Variants in KMT2C observed in about 807,000 individuals in gnomAD.
KMT2C encodes lysine methyltransferase 2C.
KMT2C carries 88 observed loss-of-function variants against 507.9 expected under a neutral mutation model. The observed-to-expected ratio is 0.17, with a 90% CI of 0.15 to 0.21. The LOEUF is 0.21. Among genes scored for constraint, KMT2C ranks in the 10% least tolerant of loss-of-function variants. The pLI is 1.00. For synonymous variants in KMT2C, 2,049 were observed against 2,080.8 expected (o/e 0.98, Z 0.42); for missense variants, 4,954 against 5,957.8 (o/e 0.83, Z 5.55).
intron 14 of KMT2C, among the ~76,000 whole-genome samples, chr7:152,241,262 C>T (rs1287421204): frequency 6.7e-6 from 1 of 150,256 alleles, no homozygotes; most frequent in Admixed American, 6.6e-5. Flanking sequence ...TGCGGTGGTG[C>T]GATCTCGGCT....
Position 152,202,991 on chromosome 7 carries a change from CTTT to C in KMT2C, c.4032_4034del (p.Ile1344_Lys1345delinsMet). 3 of 1,610,222 alleles carry C rather than the reference CTTT, an allele frequency of 1.9e-6. No individual in the cohort carries two copies. The highest frequency in any genetic ancestry group is 2.5e-6 in the Non-Finnish European group (3 of 1,177,356). ...TATTTTTCCTTTTTCGGTATCTCTT[CTTT>C]ATTTTTTCAGTGCTTTCAGTAACAG... On this transcript the variant is annotated inframe_deletion, in exon 26 of 59. Coordinates refer to ENST00000262189, the MANE Select transcript of KMT2C (RefSeq NM_170606.3).
chr7:152,341,611 C>T (rs990496420), intron 2 of KMT2C, among the ~76,000 whole-genome samples: 2 of 152,092 alleles, frequency 1.3e-5, no homozygotes, highest in Non-Finnish European at 2.9e-5. Context: ...AGGGAGAGTG[C>T]CAGAACTATT....
chr7:152,333,237 T>G (rs1250221816), intron 2 of KMT2C, among the ~76,000 whole-genome samples: 2 of 152,002 alleles, frequency 1.3e-5, no homozygotes, highest in Non-Finnish European at 2.9e-5. Context: ...GGCTCAAGAA[T>G]CCTCCCACCT....
At chr7:152,355,690 G>C (rs1187323234) in intron 2 of KMT2C, among the ~76,000 whole-genome samples, 1 of 152,150 alleles carries the variant, frequency 6.6e-6, no homozygotes, top group Non-Finnish European at 1.5e-5. Context: ...AAGACTAAAA[G>C]CTGGTCTGGG....
intron 27 of KMT2C, among the ~76,000 whole-genome samples, chr7:152,198,731 G>T (rs1415953857): frequency 6.6e-6 from 1 of 152,140 alleles, no homozygotes; most frequent in Non-Finnish European, 1.5e-5. Context: ...AATATCTGGA[G>T]ATATTTTTGA....
chr7:152,311,317 ATCAG>A (rs1379791180), intron 5 of KMT2C, among the ~76,000 whole-genome samples: 4 of 152,288 alleles, frequency 2.6e-5, no homozygotes, highest in Admixed American at 2.6e-4. Context: ...TTGAACCACT[ATCAG>A]TCAATCTGCA....
rs188764691 is a variant in KMT2C at position 152,269,477 on chromosome 7, G to A, written c.1012+4228C>T. 2.0e-5 allele frequency among the ~76,000 whole-genome samples: 3 copies of A among 152,272 alleles called. No individual in the cohort carries two copies. The East Asian group carries it at 5.8e-4, about 29-fold the overall frequency. On this transcript the variant is annotated intron_variant, in intron 7 of 58. Coordinates refer to ENST00000262189, the MANE Select transcript of KMT2C (RefSeq NM_170606.3). Reference sequence around the variant, plus strand: ...ACTGGATAGCTTTGGTGTCATGACAGAAATTAAATATGAATATTTAGACAC... The same window carrying A: ...ACTGGATAGCTTTGGTGTCATGACAAAAATTAAATATGAATATTTAGACAC...
chr7:152,174,764 G>T (rs1366138124), intron 38 of KMT2C, among the ~76,000 whole-genome samples: 1 of 152,136 alleles, frequency 6.6e-6, no homozygotes, highest in Admixed American at 6.5e-5. Flanking sequence ...TTATTATTTA[G>T]AATAAGGCAC....
chr7:152,310,072 G>C lies in KMT2C; in HGVS notation c.743C>G (p.Thr248Ser), dbSNP rs1187870344. The change falls in exon 6 of 59, where the codon ACT becomes AGT. Residue 248 changes from threonine (T) to serine (S), a missense_variant. By Grantham distance (58) the Thr-to-Ser change is moderately conservative. Transcript: ENST00000262189. ...CACACAACGGTGATGAGCCCAACAA[G>C]TGCCTAAAATGGGAAAAATGAAAAG... ...DIQALFDSTGTCWAHHRCVEW... is the reference protein window; with the variant it reads ...DIQALFDSTGSCWAHHRCVEW... The C allele has an allele frequency of 1.2e-6, 2 of 1,603,712 alleles. No individual in the cohort carries two copies. Among genetic ancestry groups the C allele is most frequent in the Non-Finnish European group, 1.7e-6 (2 of 1,174,710 alleles).
intron 14 of KMT2C, among the ~76,000 whole-genome samples, chr7:152,246,653 A>G (rs1191115418): frequency 6.6e-6 from 1 of 152,284 alleles, no homozygotes; most frequent in East Asian, 1.9e-4. Flanking sequence ...TTTCAGAGTC[A>G]GAACAACATA....
rs368585859 is a variant in KMT2C, at chr7:152,162,561, T to C, written c.11016A>G (p.Ala3672=). 16 of 1,614,128 alleles carry C rather than the reference T, an allele frequency of 9.9e-6. No homozygotes were observed. In the South Asian group the frequency reaches 1.4e-4, roughly 14 times the overall value. The change falls in exon 43 of 59, where the codon GCA becomes GCG. Residue 3672 remains alanine (A), a synonymous_variant. Transcript: ENST00000262189. Reference sequence around the variant, plus strand: ...CTAATTCTGTACATAGCTGGCCTGCTGCCATATTGGGAGTGGATGGGCCGA... The same window carrying C: ...CTAATTCTGTACATAGCTGGCCTGCCGCCATATTGGGAGTGGATGGGCCGA... ...EPVGPSTPNM[A]AGQLCTELEN... is the part of the protein sequence containing the mutation.
In KMT2C at chr7:152,163,060, T is replaced by A; in HGVS notation, c.10517A>T (p.Glu3506Val). Reference sequence around the variant, plus strand: ...TGAAGGAGGGCCTACCTGCCTTCGCTCATTAGTCTGCATGAAAGTTTGGGT... The same window carrying A: ...TGAAGGAGGGCCTACCTGCCTTCGCACATTAGTCTGCATGAAAGTTTGGGT... Reference protein sequence around the residue: ...PSTQTFMQTNERRQVGPPSFV... With the variant: ...PSTQTFMQTNVRRQVGPPSFV... The change falls in exon 43 of 59, where the codon GAG (glutamate) becomes GTG (valine). Residue 3506 changes from glutamate (E) to valine (V), a missense_variant. Physicochemically the swap from Glu to Val is moderately radical, Grantham distance 121 (BLOSUM62 -2). Around this residue, in one of 29 missense-constraint regions of KMT2C, gnomAD observed 801 missense variants for 751.2 expected, o/e 1.07. Coordinates refer to ENST00000262189, the MANE Select transcript of KMT2C (RefSeq NM_170606.3). 6.2e-7 allele frequency: 1 copy of A among 1,614,228 alleles called. No individual in the cohort carries two copies. The highest frequency in any genetic ancestry group is 1.1e-5 in the South Asian group (1 of 91,086).
rs1312962236 is a variant in KMT2C at position 152,179,864 on chromosome 7, G to T, written c.7412C>A (p.Ala2471Asp). Residue 2471 changes from alanine (A) to aspartate (D), a missense_variant, in exon 37 of 59, where the codon GCT (alanine) becomes GAT (aspartate). By Grantham distance (126) the Ala-to-Asp change is moderately radical (BLOSUM62 -2). Around this residue, in one of 29 missense-constraint regions of KMT2C, gnomAD observed 1,689 missense variants for 1,654.3 expected, o/e 1.02. Transcript: ENST00000262189. ...TCCATGAGGTCTCATCCCCATACTA[G>T]CAACATCAGGAGGATAGGGTCCACG... Reference protein sequence around the residue: ...DQRGPYPPDVASMGMRPHGFR... With the variant: ...DQRGPYPPDVDSMGMRPHGFR... The T allele has an allele frequency of 3.7e-6, 6 of 1,613,968 alleles. No individual in the cohort carries two copies. The South Asian group carries it at 6.6e-5, about 18-fold the overall frequency.
chr7:152,331,060 C>T (rs1458268052), intron 2 of KMT2C, among the ~76,000 whole-genome samples: 1 of 152,148 alleles, frequency 6.6e-6, no homozygotes, highest in African/African-American at 2.4e-5. Context: ...GTAATCCCTG[C>T]ACTTTGAGAG....
At chr7:152,290,563 C>T (rs2096410919) in intron 6 of KMT2C, among the ~76,000 whole-genome samples, 1 of 151,428 alleles carries the variant, frequency 6.6e-6, no homozygotes, top group Non-Finnish European at 1.5e-5. Flanking sequence ...CCGCTTCAGC[C>T]TCCCGAAGTG....
chr7:152,279,549 C>T (rs1268523784), intron 6 of KMT2C, among the ~76,000 whole-genome samples: 5 of 152,156 alleles, frequency 3.3e-5, no homozygotes, highest in Admixed American at 3.3e-4. Context: ...TGAAATAAAA[C>T]CTAATCTATG....
At chr7:152,153,685 G>A (rs1276572134) in intron 48 of KMT2C, among the ~76,000 whole-genome samples, 2 of 150,352 alleles carry the variant, frequency 1.3e-5, no homozygotes, top group Admixed American at 6.6e-5. Context: ...CTATGACTGT[G>A]CCACTGCACT....
In KMT2C at chr7:152,435,992, G is replaced by GGCGC; in HGVS notation, c.-210_-207dup. On this transcript the variant is annotated 5_prime_UTR_variant, in exon 1 of 59. Transcript: ENST00000262189. ...ACACGCACTCACACACATCGGCGCG[G>GGCGC]GCGCGCGCACCTCCGCGCGCAGGGG... 1 of 271,596 alleles carries GGCGC rather than the reference G, an allele frequency of 3.7e-6. No homozygotes were observed. The highest frequency in any genetic ancestry group is 6.7e-6 in the Non-Finnish European group (1 of 148,276). The allele number at this position is 271,596 out of a possible 1,614,324, so 16.8% of individuals were successfully genotyped here. A position where few individuals can be genotyped will look rare whatever the true frequency, so the allele number is the denominator to read the frequency against.
chr7:152,231,099 AG>A (rs1286522917), intron 16 of KMT2C, among the ~76,000 whole-genome samples: 1 of 152,216 alleles, frequency 6.6e-6, no homozygotes, highest in Admixed American at 6.5e-5. Flanking sequence ...TGTGGTTACT[AG>A]GAAGTTTTAA....
Sources: allele counts gnomAD v4.1 joint callset (sites outside exome capture counted in the v4.1 genomes callset), GRCh38; gene constraint gnomAD v4.1.1; regional missense constraint gnomAD v4.1.1; transcripts MANE v1.5; gene names NCBI Gene and HGNC (gene_info 2026-07-23, HGNC 2026-07-21).